NUP214: variants seen among roughly 807,000 people sequenced by gnomAD.
NUP214 encodes nuclear pore complex protein Nup214.
In NUP214, 79 loss-of-function variants were observed where a neutral mutation model predicts 196.2. The observed-to-expected ratio is 0.40, with a 90% CI of 0.34 to 0.49. The LOEUF (loss-of-function observed/expected upper bound fraction) is 0.49. NUP214 is among the 20% of genes least tolerant of loss of function. NUP214 has a pLI of 0.58. For synonymous variants in NUP214, 1,020 were observed against 990.5 expected, an observed-to-expected ratio of 1.03 and a Z score of -0.56; for missense variants, 2,468 against 2,539.0, an observed-to-expected ratio of 0.97 and a Z score of 0.60.
In NUP214 at chr9:131,125,586, GA is replaced by G. The variant is rs1831320124; in HGVS notation, c.-118del. ...CGTCACCAAAGCGCGCCGGAAATGCGAGGTCAACTGCGCGCCGCTGGCGCTG... is the reference window on the plus strand; with the variant it reads ...CGTCACCAAAGCGCGCCGGAAATGCGGGTCAACTGCGCGCCGCTGGCGCTG... On this transcript the variant is annotated 5_prime_UTR_variant, in exon 1 of 36. Coordinates refer to ENST00000359428, the MANE Select transcript of NUP214 (RefSeq NM_005085.4). The surrounding 1 kb of genome is among the most constrained non-coding windows in gnomAD (Gnocchi z 4.1). The G allele has an allele frequency of 1.3e-6, 2 of 1,547,238 alleles. No homozygotes were observed. Among genetic ancestry groups the G allele is most frequent in the East Asian group, 4.9e-5 (2 of 40,688 alleles).
At position 131,150,376 on chromosome 9, in the gene NUP214, A is replaced by C. The variant is rs369918401; in HGVS notation, c.2093A>C (p.Asp698Ala). 6.2e-7 allele frequency: 1 copy of C among 1,614,190 alleles called. No individual in the cohort carries two copies. The highest frequency in any genetic ancestry group is 8.5e-7 in the Non-Finnish European group (1 of 1,180,026). The change falls in exon 15 of 36, where the codon GAT becomes GCT. Residue 698 changes from aspartate (D) to alanine (A), a missense_variant. Physicochemically the swap from Asp to Ala is moderately radical, Grantham distance 126. Coordinates refer to ENST00000359428, the MANE Select transcript of NUP214 (RefSeq NM_005085.4). ...VAEKQGHQWK[D>A]SDPVMAGIGE... ...GAAAAGCAGGGACATCAGTGGAAAG[A>C]TTCAGATCCTGTAATGGCTGGAATT...
chr9:131,143,552 A>T (rs1026471829), intron 11 of NUP214, among the ~76,000 whole-genome samples: 1 of 152,180 alleles, frequency 6.6e-6, no homozygotes, highest in African/African-American at 2.4e-5. Flanking sequence ...AAATTCTTAT[A>T]ATTTAGAGGA....
chr9:131,232,679 C>T lies in NUP214; in HGVS notation c.6239+371C>T, dbSNP rs1287670954. On this transcript the variant is annotated intron_variant, in intron 35 of 35. Coordinates refer to ENST00000359428, the MANE Select transcript of NUP214 (RefSeq NM_005085.4). The surrounding 1 kb of genome is among the most constrained non-coding windows in gnomAD (Gnocchi z 5.1). ...CCATCACCAGGTCTCATGTGTTGAT[C>T]CACCCTCTGTGCTTCTGTGTAAAAT... 2.9e-6 allele frequency: 1 copy of T among 348,660 alleles called. No homozygotes were observed. The highest frequency in any genetic ancestry group is 5.4e-6 in the Non-Finnish European group (1 of 184,616). The allele number at this position is 348,660 out of a possible 1,614,324, so 21.6% of individuals were successfully genotyped here.
At chr9:131,218,183 GA>G (rs764899363) in intron 31 of NUP214, among the ~76,000 whole-genome samples, 2 of 152,214 alleles carry the variant, frequency 1.3e-5, no homozygotes, top group Non-Finnish European at 2.9e-5. Context: ...AGGAGTAGAG[GA>G]AACACTTAAC....
intron 5 of NUP214, among the ~76,000 whole-genome samples, chr9:131,131,740 A>G (rs887921757): frequency 4.6e-5 from 7 of 151,950 alleles, no homozygotes; most frequent in African/African-American, 9.7e-5. Context: ...CTGGGGTGCA[A>G]TGGTGTGATA....
Position 131,140,547 on chromosome 9 carries a change from A to G in NUP214, c.1133-2A>G. 1.3e-6 allele frequency: 2 copies of G among 1,593,080 alleles called. No individual in the cohort carries two copies. Among genetic ancestry groups the G allele is most frequent in the South Asian group, 1.2e-5 (1 of 86,444 alleles). On this transcript the variant is annotated splice_acceptor_variant, in intron 10 of 35. Coordinates refer to ENST00000359428, the MANE Select transcript of NUP214 (RefSeq NM_005085.4). LOFTEE classifies it high-confidence loss of function. ...TTTTATTTTTGTTTTCTTTTTTAAC[A>G]GGTGATGAAAAGACTCTTCCTCCTG...
chr9:131,230,359 G>A (rs1172726824), intron 33 of NUP214: 2 of 459,272 alleles, frequency 4.4e-6, no homozygotes, highest in Non-Finnish European at 8.0e-6. Flanking sequence ...GTTCCCAAAT[G>A]CCCTGGTGTT....
In NUP214 at chr9:131,232,157, T is replaced by A; in HGVS notation, c.6215-127T>A. The A allele has an allele frequency of 1.1e-6, 1 of 892,606 alleles. No homozygotes were observed. The highest frequency in any genetic ancestry group is 1.9e-6 in the Non-Finnish European group (1 of 527,630). 55.3% of individuals were successfully genotyped at this position (892,606 alleles called of 1,614,324 possible). A position where few individuals can be genotyped will look rare whatever the true frequency, so the allele number is the denominator to read the frequency against. Reference sequence around the variant, plus strand: ...TCTGTGTGTACCTTTCCTGCCTTCCTGTAGGTGGTGGAGGCACGGAGGGCT... The same window carrying A: ...TCTGTGTGTACCTTTCCTGCCTTCCAGTAGGTGGTGGAGGCACGGAGGGCT... On this transcript the variant is annotated intron_variant, in intron 34 of 35. Coordinates refer to ENST00000359428, the MANE Select transcript of NUP214 (RefSeq NM_005085.4). This position sits in a 1 kb window ranked among gnomAD's most constrained non-coding sequence, Gnocchi z 5.1.
chr9:131,234,561 C>G lies in NUP214; in HGVS notation c.*1074C>G, dbSNP rs903134848. 14 of 231,262 alleles carry G rather than the reference C, an allele frequency of 6.1e-5. No homozygotes were observed. Among genetic ancestry groups the G allele is most frequent in the African/African-American group, 2.7e-4 (12 of 45,090 alleles). The allele number at this position is 231,262 out of a possible 1,614,324, so 14.3% of individuals were successfully genotyped here. On this transcript the variant is annotated 3_prime_UTR_variant, in exon 36 of 36. Coordinates refer to ENST00000359428, the MANE Select transcript of NUP214 (RefSeq NM_005085.4). ...AATCTGACAGTGCTTTGGCTTGGGTCATGAGCAGCGGGGAGTTGGGAAGAG... is the reference window on the plus strand; with the variant it reads ...AATCTGACAGTGCTTTGGCTTGGGTGATGAGCAGCGGGGAGTTGGGAAGAG...
intron 27 of NUP214, among the ~76,000 whole-genome samples, chr9:131,194,844 G>T (rs1341538560): frequency 6.6e-6 from 1 of 152,174 alleles, no homozygotes; most frequent in East Asian, 1.9e-4. Context: ...TGTCTTACCA[G>T]ACCTTCCTTC....
rs368410123 is a variant in NUP214 at position 131,198,882 on chromosome 9, G to T, written c.5388G>T (p.Gly1796=). 23 of 1,614,060 alleles carry T rather than the reference G, an allele frequency of 1.4e-5. No homozygotes were observed. Among genetic ancestry groups the T allele is most frequent in the Non-Finnish European group, 1.9e-5 (22 of 1,180,034 alleles). ...FGQSSPNTGG[G]LFGQSNAPAF... is the part of the protein sequence containing the mutation. The stretch of plus-strand genomic sequence containing the variant: ...AGTCTTCTCCCAACACAGGAGGGGG[G>T]CTGTTTGGCCAAAGCAACGCTCCTG... The change falls in exon 29 of 36, where the codon GGG becomes GGT. Residue 1796 remains glycine (G), a synonymous_variant. Coordinates refer to ENST00000359428, the MANE Select transcript of NUP214 (RefSeq NM_005085.4).
rs1381691889 is a variant in NUP214 at position 131,174,036 on chromosome 9, T to G, written c.2894-19T>G. On this transcript the variant is annotated intron_variant, in intron 21 of 35. Transcript: ENST00000359428. ...TGCTTTGAGTTGTCTAAATTGTGTT[T>G]TGTTTGGGGCTTTTGTAGCCAGCCT... 3 of 1,609,428 alleles carry G rather than the reference T, an allele frequency of 1.9e-6. No individual in the cohort carries two copies. Among genetic ancestry groups the G allele is most frequent in the Non-Finnish European group, 2.5e-6 (3 of 1,178,902 alleles).
intron 21 of NUP214, among the ~76,000 whole-genome samples, chr9:131,169,038 T>TG (rs1554732382): frequency 2.0e-4 from 30 of 146,892 alleles, no homozygotes; most frequent in Non-Finnish European, 4.0e-4. Context: ...TTTTTTGTTT[T>TG]TTTTTTTTTT....
chr9:131,130,424 C>T (rs1831512917), intron 4 of NUP214, among the ~76,000 whole-genome samples: 1 of 151,778 alleles, frequency 6.6e-6, no homozygotes, highest in African/African-American at 2.4e-5. Flanking sequence ...GGATTACAGG[C>T]ATGAGCCACT....
At chr9:131,197,128 A>G in intron 28 of NUP214, 88 bp from the exon 29 acceptor site, 2 of 1,543,522 alleles carry the variant, frequency 1.3e-6, no homozygotes, top group South Asian at 2.5e-5. Flanking sequence ...GAGGAGAGAA[A>G]CTTTGGCTTA....
At position 131,164,099 on chromosome 9, in the gene NUP214, T is replaced by A; in HGVS notation, c.2848T>A (p.Phe950Ile). 1 of 1,614,140 alleles carries A rather than the reference T, an allele frequency of 6.2e-7. No homozygotes were observed. The highest frequency in any genetic ancestry group is 8.5e-7 in the Non-Finnish European group (1 of 1,180,026). Reference sequence around the variant, plus strand: ...CATGAAACAGGCACAACTGAGAAACTTCTTGGCCAAGAGGAAGACCCCACC... The same window carrying A: ...CATGAAACAGGCACAACTGAGAAACATCTTGGCCAAGAGGAAGACCCCACC... ...SPMKQAQLRN[F>I]LAKRKTPPVR... Residue 950 changes from phenylalanine (F) to isoleucine (I), a missense_variant, in exon 21 of 36, where the codon TTC becomes ATC. Physicochemically the swap from Phe to Ile is conservative, Grantham distance 21. Coordinates refer to ENST00000359428, the MANE Select transcript of NUP214 (RefSeq NM_005085.4).
At chr9:131,184,472 T>C (rs572888639) in intron 24 of NUP214, among the ~76,000 whole-genome samples, 1 of 151,950 alleles carries the variant, frequency 6.6e-6, no homozygotes, top group African/African-American at 2.4e-5. Context: ...TAGCTGGGAC[T>C]ACAGGCACCT....
intron 4 of NUP214, among the ~76,000 whole-genome samples, chr9:131,130,227 T>G (rs1401194505): frequency 7.8e-6 from 1 of 128,364 alleles, no homozygotes; most frequent in Non-Finnish European, 1.6e-5. Context: ...CACTGCAACC[T>G]CCACCTGCTG....
At chr9:131,202,173 G>A (rs552247692) in intron 30 of NUP214, among the ~76,000 whole-genome samples, 15 of 152,188 alleles carry the variant, frequency 9.9e-5, no homozygotes, top group African/African-American at 3.6e-4. Context: ...TGTTGTCCAG[G>A]CTGGTCTCAA....
Sources: gnomAD v4.1 joint callset for allele counts (sites outside exome capture counted in the v4.1 genomes callset) on GRCh38, gnomAD v4.1.1 for gene constraint, Gnocchi (gnomAD v3.1) non-coding constraint, MANE v1.5 for transcripts, NCBI Gene and HGNC (gene_info 2026-07-23, HGNC 2026-07-21) for gene names.